The following DEPDC1B variants were observed in gnomAD, a reference collection of about 807,000 sequenced individuals.
The protein encoded by DEPDC1B is DEP domain-containing protein 1B.
Under a neutral mutation model 66.5 loss-of-function variants are expected in DEPDC1B, and 51 were observed. The observed-to-expected ratio is 0.77, with a 90% CI of 0.61 to 0.97. The LOEUF is 0.97. DEPDC1B is among the 50% of genes least tolerant of loss of function. The pLI is 0.00. For synonymous variants in DEPDC1B, 226 were observed against 223.6 expected (o/e 1.01, Z -0.10); for missense variants, 552 against 637.1 (o/e 0.87, Z 1.44).
intron 1 of DEPDC1B, among the ~76,000 whole-genome samples, chr5:60,699,024 A>G (rs1584113036): frequency 1.3e-5 from 2 of 152,162 alleles, no homozygotes; most frequent in East Asian, 3.8e-4. Flanking sequence ...TTTAAAAAGT[A>G]AAGACCCATC....
intron 7 of DEPDC1B, among the ~76,000 whole-genome samples, chr5:60,606,715 C>G (rs1752318406): frequency 6.6e-6 from 1 of 151,070 alleles, no homozygotes; most frequent in Admixed American, 6.6e-5. Context: ...ACTGTTTGAG[C>G]CCAGGAGTTT....
chr5:60,683,375 T>A (rs1448585728), intron 2 of DEPDC1B, among the ~76,000 whole-genome samples: 1 of 152,096 alleles, frequency 6.6e-6, no homozygotes, highest in Admixed American at 6.5e-5. Context: ...GAGGCTGCAG[T>A]GAGCCAAGAT....
chr5:60,667,332 G>A (rs530736129), intron 2 of DEPDC1B, among the ~76,000 whole-genome samples: 1 of 151,248 alleles, frequency 6.6e-6, no homozygotes, highest in Non-Finnish European at 1.5e-5. Flanking sequence ...AACTGATAAA[G>A]TGTAAATATC....
At chr5:60,669,353 T>C (rs1254427701) in intron 2 of DEPDC1B, among the ~76,000 whole-genome samples, 1 of 152,194 alleles carries the variant, frequency 6.6e-6, no homozygotes, top group Non-Finnish European at 1.5e-5. Context: ...TCAACAGCTT[T>C]GGCCAGCCTG....
chr5:60,621,814 T>A (rs1218532922), intron 7 of DEPDC1B, among the ~76,000 whole-genome samples: 1 of 152,208 alleles, frequency 6.6e-6, no homozygotes, highest in Admixed American at 6.5e-5. Flanking sequence ...TCTTAGTAAT[T>A]CAAGTCTTGA....
intron 2 of DEPDC1B, among the ~76,000 whole-genome samples, chr5:60,677,520 T>C (rs1754197404): frequency 6.6e-6 from 1 of 152,056 alleles, no homozygotes; most frequent in South Asian, 2.1e-4. Context: ...GTCCTCCCTG[T>C]CATTTTTTTC....
Position 60,599,194 on chromosome 5 carries a change from G to A in DEPDC1B, c.1309C>T (p.Pro437Ser), listed in dbSNP as rs1169556536. 1 of 1,612,584 alleles carries A rather than the reference G, an allele frequency of 6.2e-7. No homozygotes were observed. Among genetic ancestry groups the A allele is most frequent in the Admixed American group, 1.7e-5 (1 of 59,800 alleles). Reference protein sequence around the residue: ...SAPSFCRQISPEEFEYQRSYG... With the variant: ...SAPSFCRQISSEEFEYQRSYG... ...GATCTTTGATATTCAAATTCCTCTG[G>A]ACTAATTTGACGGCAAAATGATGGA... The change falls in exon 10 of 11, where the codon CCA becomes TCA. Residue 437 changes from proline (P) to serine (S), a missense_variant. Physicochemically the swap from Pro to Ser is moderately conservative, Grantham distance 74 (BLOSUM62 -1). Coordinates refer to ENST00000265036, the MANE Select transcript of DEPDC1B (RefSeq NM_018369.3).
At chr5:60,629,369 G>T (rs1199393077) in intron 7 of DEPDC1B, among the ~76,000 whole-genome samples, 1 of 152,146 alleles carries the variant, frequency 6.6e-6, no homozygotes, top group Non-Finnish European at 1.5e-5. Flanking sequence ...TCAGTGGTGG[G>T]ATTACTACAG....
chr5:60,616,056 C>A (rs544119639), intron 7 of DEPDC1B, among the ~76,000 whole-genome samples: 1 of 152,324 alleles, frequency 6.6e-6, no homozygotes, highest in Non-Finnish European at 1.5e-5. Flanking sequence ...CTCCAGCAAA[C>A]ACCAACAGAC....
chr5:60,671,070 G>A (rs550360914), intron 2 of DEPDC1B, among the ~76,000 whole-genome samples: 2 of 152,258 alleles, frequency 1.3e-5, no homozygotes, highest in South Asian at 4.1e-4. Flanking sequence ...CTCAAAAAGT[G>A]CATGATTACC....
At chr5:60,650,835 T>C (rs1169463196) in intron 2 of DEPDC1B, among the ~76,000 whole-genome samples, 1 of 152,212 alleles carries the variant, frequency 6.6e-6, no homozygotes, top group Non-Finnish European at 1.5e-5. Context: ...AGAGGCAGAA[T>C]GTCTTTCTCT....
chr5:60,641,200 T>A (rs1753183376), intron 6 of DEPDC1B, among the ~76,000 whole-genome samples: 1 of 152,182 alleles, frequency 6.6e-6, no homozygotes, highest in South Asian at 2.1e-4. Context: ...TCGGTGCACA[T>A]GCTGCTTGAG....
At chr5:60,599,021 A>C (rs1159991501) in intron 10 of DEPDC1B, 54 bp downstream of exon 10, 15 of 1,451,320 alleles carry the variant, frequency 1.0e-5, no homozygotes, top group African/African-American at 7.2e-5. Flanking sequence ...TAAAAAAAAA[A>C]ACATAAAAAC....
chr5:60,614,281 T>G (rs1752486830), intron 7 of DEPDC1B, among the ~76,000 whole-genome samples: 1 of 152,216 alleles, frequency 6.6e-6, no homozygotes, highest in Admixed American at 6.5e-5. Flanking sequence ...AAAAATCACT[T>G]TAATTTCTGT....
intron 7 of DEPDC1B, chr5:60,628,223 C>T (rs1168484891): frequency 3.3e-5 from 5 of 152,182 alleles, no homozygotes; most frequent in Admixed American, 1.3e-4. Context: ...CCTTCGTCAC[C>T]TTCTTTCCCA....
At chr5:60,647,565 C>T (rs1448536577) in intron 2 of DEPDC1B, 32 bp from the exon 3 acceptor site, 1 of 1,606,224 alleles carries the variant, frequency 6.2e-7, no homozygotes, top group Non-Finnish European at 8.5e-7. Flanking sequence ...TCTATTACTG[C>T]AGTCAGTGGG....
At chr5:60,698,287 C>CA (rs1754700831) in intron 1 of DEPDC1B, among the ~76,000 whole-genome samples, 1 of 152,236 alleles carries the variant, frequency 6.6e-6, no homozygotes, top group Non-Finnish European at 1.5e-5. Context: ...GGCTTTGCCA[C>CA]CCTGCCCATC....
In DEPDC1B at chr5:60,687,738, G is replaced by A. The variant is rs551274731; in HGVS notation, c.49-511C>T. The A allele has an allele frequency of 3.0e-4, 54 of 181,068 alleles. No individual in the cohort carries two copies. The South Asian group carries it at 3.8e-3, about 13-fold the overall frequency. The allele number at this position is 181,068 out of a possible 1,614,324, so 11.2% of individuals were successfully genotyped here. A position where few individuals can be genotyped will look rare whatever the true frequency, so the allele number is the denominator to read the frequency against. On this transcript the variant is annotated intron_variant, in intron 1 of 10. Coordinates refer to ENST00000265036, the MANE Select transcript of DEPDC1B (RefSeq NM_018369.3). ...ATGGAGTTTCACCATGTTGGTCAGG[G>A]TGGTCTCGAACTCTTGATCTCAAGT... is the stretch of plus-strand genomic sequence containing the variant.
At chr5:60,638,954 C>T in intron 6 of DEPDC1B, 64 bp from the exon 7 acceptor site, 4 of 1,558,090 alleles carry the variant, frequency 2.6e-6, no homozygotes, top group Non-Finnish European at 3.5e-6. Context: ...GTATTATTCT[C>T]TGTGAATATG....
Sources: allele counts gnomAD v4.1 joint callset (sites outside exome capture counted in the v4.1 genomes callset), GRCh38; gene constraint gnomAD v4.1.1; transcripts MANE v1.5; gene names NCBI Gene and HGNC (gene_info 2026-07-23, HGNC 2026-07-21).